CRIM1: variants seen among roughly 807,000 people sequenced by gnomAD.
CRIM1 encodes cysteine rich transmembrane BMP regulator 1, also known as cysteine-rich motor neuron 1 protein.
In CRIM1, 32 loss-of-function variants were observed where a neutral mutation model predicts 116.4. The ratio of observed to expected loss-of-function variants is 0.27; its 90% CI spans 0.21 to 0.37. The LOEUF (loss-of-function observed/expected upper bound fraction) is 0.37, where lower values mean the gene tolerates loss of function less well. Ranked by LOEUF, CRIM1 falls within the 10% of genes least tolerant of loss-of-function variation. CRIM1 has a pLI of 1.00. For synonymous variants in CRIM1, 590 were observed against 509.2 expected (o/e 1.16, Z -2.13); for missense variants, 1,331 against 1,354.8 (o/e 0.98, Z 0.28).
intron 1 of CRIM1, among the ~76,000 whole-genome samples, chr2:36,384,847 A>G (rs1336283201): frequency 1.3e-5 from 2 of 152,210 alleles, no homozygotes; most frequent in African/African-American, 2.4e-5. Context: ...TTATAGCACT[A>G]CTGTCCACCT....
chr2:36,475,693 A>C (rs751037168), intron 5 of CRIM1, among the ~76,000 whole-genome samples: 4 of 152,196 alleles, frequency 2.6e-5, no homozygotes, highest in African/African-American at 9.7e-5. Context: ...TTTTGCCATT[A>C]AGTATGAGGT....
intron 2 of CRIM1, among the ~76,000 whole-genome samples, chr2:36,434,928 C>T (rs908402565): frequency 8.5e-5 from 13 of 152,124 alleles, no homozygotes; most frequent in Non-Finnish European, 1.5e-4. Context: ...TGTTGCGATG[C>T]CATGTCAGAG....
In CRIM1 at chr2:36,550,893, ATTT is replaced by A. The variant is rs1159175887; in HGVS notation, c.*2197_*2199del. 8.5e-5 allele frequency: 13 copies of A among 152,452 alleles called. No individual in the cohort carries two copies. In the East Asian group the frequency reaches 2.3e-3, roughly 27 times the overall value. The allele number at this position is 152,452 out of a possible 1,614,324, so 9.4% of individuals were successfully genotyped here. Reference sequence around the variant, plus strand: ...TAACAGGATATAGGACAAGGTGTAAATTTTTTTATTATTATTTTAAAGATATGA... The same window carrying A: ...TAACAGGATATAGGACAAGGTGTAAATTTTATTATTATTTTAAAGATATGA... On this transcript the variant is annotated 3_prime_UTR_variant, in exon 17 of 17. Coordinates refer to ENST00000280527, the MANE Select transcript of CRIM1 (RefSeq NM_016441.3).
intron 2 of CRIM1, among the ~76,000 whole-genome samples, chr2:36,426,470 A>C (rs1674458207): frequency 6.6e-6 from 1 of 152,180 alleles, no homozygotes; most frequent in African/African-American, 2.4e-5. Context: ...TAAATAAAGA[A>C]TATCTGGCTA....
intron 2 of CRIM1, among the ~76,000 whole-genome samples, chr2:36,436,812 A>G (rs1675349091): frequency 6.6e-6 from 1 of 152,208 alleles, no homozygotes; most frequent in African/African-American, 2.4e-5. Context: ...CCAGGCAGTA[A>G]GACTATAAAT....
intron 8 of CRIM1, among the ~76,000 whole-genome samples, chr2:36,499,568 G>T (rs986605323): frequency 1.4e-4 from 22 of 152,172 alleles, no homozygotes; most frequent in Admixed American, 6.5e-5. Context: ...TTGATGGCCA[G>T]TTGCATCAGG....
intron 2 of CRIM1, among the ~76,000 whole-genome samples, chr2:36,432,852 G>T (rs1184763864): frequency 6.6e-6 from 1 of 152,052 alleles, no homozygotes; most frequent in South Asian, 2.1e-4. Flanking sequence ...ATTGGAATTG[G>T]TCTGGGGTGC....
chr2:36,536,848 A>C (rs969410609), intron 13 of CRIM1, among the ~76,000 whole-genome samples: 2 of 152,142 alleles, frequency 1.3e-5, no homozygotes, highest in African/African-American at 4.8e-5. Flanking sequence ...TTAAAGTAGA[A>C]ATGTCCTTGT....
intron 14 of CRIM1, among the ~76,000 whole-genome samples, chr2:36,539,886 A>G (rs1159130094): frequency 6.6e-6 from 1 of 152,112 alleles, no homozygotes; most frequent in Non-Finnish European, 1.5e-5. Flanking sequence ...AGATCTACAA[A>G]TTTGAAAGTT....
chr2:36,537,727 T>TGA (rs1363002358), intron 14 of CRIM1, among the ~76,000 whole-genome samples, 181 bp downstream of exon 14: 2 of 152,250 alleles, frequency 1.3e-5, no homozygotes, highest in East Asian at 3.8e-4. Context: ...ACCATCCCGA[T>TGA]GAGGGGCAGA....
At chr2:36,423,718 T>C (rs899959629) in intron 2 of CRIM1, among the ~76,000 whole-genome samples, 1 of 152,224 alleles carries the variant, frequency 6.6e-6, no homozygotes, top group Non-Finnish European at 1.5e-5. Flanking sequence ...GGTTCCATGA[T>C]TTATAAAAAG....
chr2:36,451,118 A>G (rs1676684742), intron 4 of CRIM1, among the ~76,000 whole-genome samples: 1 of 152,240 alleles, frequency 6.6e-6, no homozygotes, highest in Non-Finnish European at 1.5e-5. Context: ...AAACAGTTAA[A>G]TAATTACATA....
intron 8 of CRIM1, among the ~76,000 whole-genome samples, chr2:36,505,045 T>G (rs1268244158): frequency 6.6e-6 from 1 of 152,204 alleles, no homozygotes; most frequent in Non-Finnish European, 1.5e-5. Flanking sequence ...GAATCAAACA[T>G]CACAAGAAGG....
At chr2:36,459,044 G>A (rs941229307) in intron 4 of CRIM1, among the ~76,000 whole-genome samples, 5 of 152,168 alleles carry the variant, frequency 3.3e-5, no homozygotes, top group Non-Finnish European at 7.4e-5. Context: ...AGTAATCATT[G>A]TTCTCATTAT....
At chr2:36,477,163 TA>T (rs1176296311) in intron 6 of CRIM1, 92 bp downstream of exon 6, 1 of 1,051,404 alleles carries the variant, frequency 9.5e-7, no homozygotes, top group African/African-American at 1.7e-5. Context: ...CATCCAAAAG[TA>T]AAGGAATATT....
chr2:36,373,699 C>T (rs912326798), intron 1 of CRIM1, among the ~76,000 whole-genome samples: 1 of 152,154 alleles, frequency 6.6e-6, no homozygotes, highest in East Asian at 1.9e-4. Context: ...CATTCTCTGT[C>T]AGTCTTTTGT....
At chr2:36,483,955 C>T (rs1278260443) in intron 7 of CRIM1, among the ~76,000 whole-genome samples, 1 of 152,114 alleles carries the variant, frequency 6.6e-6, no homozygotes, top group African/African-American at 2.4e-5. Context: ...ATTTTGAGAA[C>T]ATAAGTAAGA....
chr2:36,426,694 C>A (rs1410276861), intron 2 of CRIM1, among the ~76,000 whole-genome samples: 1 of 152,152 alleles, frequency 6.6e-6, no homozygotes, highest in African/African-American at 2.4e-5. Flanking sequence ...ATCAAGCTCC[C>A]AGTATCACTA....
At position 36,547,073 on chromosome 2, in the gene CRIM1, C is replaced by T. The variant is rs1667401928; in HGVS notation, c.2836C>T (p.Pro946Ser). Residue 946 changes from proline (P) to serine (S), a missense_variant, in exon 16 of 17, where the codon CCC (proline) becomes TCC (serine). By Grantham distance (74) the Pro-to-Ser change is moderately conservative. Coordinates refer to ENST00000280527, the MANE Select transcript of CRIM1 (RefSeq NM_016441.3). The stretch of plus-strand genomic sequence containing the variant: ...GGACTCCATTGCCTCAGTTGTGGTT[C>T]CCATAATTATATGCCTCTCTATTAT... ...SLDSIASVVV[P>S]IIICLSIIIA... 1 of 1,611,374 alleles carries T rather than the reference C, an allele frequency of 6.2e-7. No individual in the cohort carries two copies. The highest frequency in any genetic ancestry group is 1.7e-5 in the Admixed American group (1 of 59,936).
Sources: allele counts gnomAD v4.1 joint callset (sites outside exome capture counted in the v4.1 genomes callset), GRCh38; gene constraint gnomAD v4.1.1; transcripts MANE v1.5; gene names NCBI Gene and HGNC (gene_info 2026-07-23, HGNC 2026-07-21).